The following NID2 variants were observed in gnomAD, a reference collection of about 807,000 sequenced individuals.
NID2 encodes nidogen 2, also known as nidogen-2.
A neutral mutation model predicts 145.4 loss-of-function variants in NID2; 83 were observed. The observed-to-expected ratio is 0.57, with a 90% CI of 0.48 to 0.69. The LOEUF (loss-of-function observed/expected upper bound fraction) is 0.69. Among genes scored for constraint, NID2 ranks in the 30% least tolerant of loss-of-function variants. The probability of loss-of-function intolerance (pLI) is 0.00; values close to 1 mark genes in which losing one functional copy is unlikely to be tolerated. For missense variants in NID2, 1,807 were observed against 1,765.7 expected (o/e 1.02, Z -0.42); for synonymous variants, 739 against 701.3 (o/e 1.05, Z -0.85).
At chr14:52,021,202 T>G (rs1461299875) in intron 12 of NID2, among the ~76,000 whole-genome samples, 1 of 120,150 alleles carries the variant, frequency 8.3e-6, no homozygotes, top group Non-Finnish European at 1.7e-5. Context: ...ATAACCAAGT[T>G]TCTTTAAAAT....
chr14:52,029,758 G>T (rs951569390), intron 9 of NID2, 68 bp from the exon 10 acceptor site: 3 of 1,383,832 alleles, frequency 2.2e-6, no homozygotes, highest in African/African-American at 2.8e-5. Flanking sequence ...GGAGATAGAG[G>T]AGTCCTCGGA....
chr14:52,045,553 GAA>G (rs34942105), intron 5 of NID2, among the ~76,000 whole-genome samples: 3 of 33,672 alleles, frequency 8.9e-5, no homozygotes, highest in African/African-American at 3.6e-4. Flanking sequence ...ACTCAAGGCA[GAA>G]AAAAAAAAAA....
At position 52,011,648 on chromosome 14, in the gene NID2, C is replaced by A. The variant is rs374343811; in HGVS notation, c.3456G>T (p.Arg1152=). 3.7e-6 allele frequency: 6 copies of A among 1,614,194 alleles called. No individual in the cohort carries two copies. The African/African-American group carries it at 8.0e-5, about 22-fold the overall frequency. ...CATCTGTCCAGTACACCATCCTCTC[C>A]CGGCAGTCGTAATCAATTCCCACGA... The part of the protein sequence containing the change: ...SIIVGIDYDC[R]ERMVYWTDVA... Residue 1152 remains arginine, a synonymous_variant, in exon 17 of 22, where the codon CGG becomes CGT. Transcript: ENST00000216286.
intron 5 of NID2, among the ~76,000 whole-genome samples, chr14:52,045,679 C>T (rs892573076): frequency 3.3e-5 from 5 of 152,006 alleles, no homozygotes; most frequent in African/African-American, 1.2e-4. Flanking sequence ...ATGAATGTAA[C>T]TTGGATGTGT....
chr14:52,017,222 G>A (rs1242922453), intron 14 of NID2, among the ~76,000 whole-genome samples: 1 of 152,184 alleles, frequency 6.6e-6, no homozygotes, highest in Non-Finnish European at 1.5e-5. Flanking sequence ...TAACTCCTGG[G>A]AAATGGGTGT....
chr14:52,051,411 G>T (rs1892675542), intron 5 of NID2, among the ~76,000 whole-genome samples: 1 of 152,138 alleles, frequency 6.6e-6, no homozygotes, highest in African/African-American at 2.4e-5. Context: ...TACATGTCTT[G>T]CCCCAAACCA....
chr14:52,027,281 G>A lies in NID2; in HGVS notation c.2594C>T (p.Ala865Val). The A allele has an allele frequency of 6.3e-7, 1 of 1,597,030 alleles. No homozygotes were observed. The highest frequency in any genetic ancestry group is 1.1e-5 in the South Asian group (1 of 88,788). The change falls in exon 12 of 22, where the codon GCC becomes GTC. Residue 865 changes from alanine (A) to valine (V), a missense_variant. Ala to Val is a moderately conservative substitution (Grantham distance 64). Coordinates refer to ENST00000216286, the MANE Select transcript of NID2 (RefSeq NM_007361.4). ...GSHTCAPAGQ[A>V]RCVHHGGSTF... is the part of the protein sequence containing the mutation. The stretch of plus-strand genomic sequence containing the variant: ...GCTGCCTCCATGGTGAACACACCGG[G>A]CCTGCCCAGCAGGAGCACAGGTATG...
intron 16 of NID2, among the ~76,000 whole-genome samples, chr14:52,012,469 G>A (rs1182500556): frequency 1.3e-5 from 2 of 151,994 alleles, no homozygotes; most frequent in Non-Finnish European, 2.9e-5. Flanking sequence ...ATGGTGGCAC[G>A]CACCTGTAGT....
Position 52,035,856 on chromosome 14 carries a change from G to GTATATATATATATATATA in NID2, c.2257+2873_2257+2890dup, listed in dbSNP as rs60735637. On this transcript the variant is annotated intron_variant, in intron 9 of 21. Transcript: ENST00000216286. ...ACCACACCTGGCTAAATTTTTTTGT[G>GTATATATATATATATATA]TATATATATATATATATATATATGT... Among the ~76,000 whole-genome samples, 220 of 65,224 alleles carry GTATATATATATATATATA rather than the reference G, an allele frequency of 3.4e-3. 2 individuals carry two copies. The highest frequency in any genetic ancestry group is 0.013 in the Admixed American group (91 of 6,992). 42.8% of individuals were successfully genotyped at this position (65,224 alleles called of 152,430 possible).
intron 19 of NID2, 162 bp from the exon 20 acceptor site, chr14:52,006,822 T>A (rs773861191): frequency 3.2e-6 from 2 of 619,642 alleles, no homozygotes; most frequent in Non-Finnish European, 5.3e-6. Flanking sequence ...ATTACTAGTC[T>A]CCAGTTTTTA....
chr14:52,068,707 C>G, intron 1 of NID2, 60 bp downstream of exon 1: 1 of 1,465,734 alleles, frequency 6.8e-7, no homozygotes, highest in African/African-American at 1.4e-5. Flanking sequence ...GCAGGGTTTC[C>G]GTGAGACCGA....
At chr14:52,059,480 T>A (rs1892956714) in intron 3 of NID2, among the ~76,000 whole-genome samples, 1 of 152,248 alleles carries the variant, frequency 6.6e-6, no homozygotes, top group African/African-American at 2.4e-5. Flanking sequence ...TCAATAAATA[T>A]CCTACTGGCA....
chr14:52,033,610 T>C (rs2073620), intron 9 of NID2, among the ~76,000 whole-genome samples: 15,616 of 32,280 alleles, frequency 0.48, 1,024 homozygotes, highest in Middle Eastern at 0.55. Flanking sequence ...TCACATGAAT[T>C]CCAACAACTA....
chr14:52,032,093 C>G (rs2140384167), intron 9 of NID2, among the ~76,000 whole-genome samples: 2 of 152,354 alleles, frequency 1.3e-5, no homozygotes, highest in South Asian at 4.1e-4. Context: ...TTCCAGTGCC[C>G]TGTCATAGCC....
intron 2 of NID2, among the ~76,000 whole-genome samples, chr14:52,066,385 A>G (rs1218134434): frequency 1.3e-5 from 2 of 152,156 alleles, no homozygotes; most frequent in East Asian, 3.8e-4. Flanking sequence ...GGGTGACTAT[A>G]ACCTGTGATA....
At chr14:52,062,965 A>C (rs1893062263) in intron 2 of NID2, among the ~76,000 whole-genome samples, 1 of 152,254 alleles carries the variant, frequency 6.6e-6, no homozygotes, top group Non-Finnish European at 1.5e-5. Flanking sequence ...TATCAGAGGA[A>C]GGAAACAACT....
At chr14:52,068,481 C>G (rs181948198) in intron 1 of NID2, among the ~76,000 whole-genome samples, 8 of 152,364 alleles carry the variant, frequency 5.3e-5, no homozygotes, top group Non-Finnish European at 8.8e-5. Context: ...ACAGCCTTCT[C>G]GCGGTCCTAA....
rs1487000732 is a variant in NID2 at position 52,011,656 on chromosome 14, C to T, written c.3448G>A (p.Asp1150Asn). Residue 1150 changes from aspartate (D) to asparagine (N), a missense_variant, in exon 17 of 22, where the codon GAC (aspartate) becomes AAC (asparagine). Asp to Asn is a conservative substitution (Grantham distance 23). Transcript: ENST00000216286. ...CAGTACACCATCCTCTCCCGGCAGT[C>T]GTAATCAATTCCCACGATTATGGAG... Reference protein sequence around the residue: ...HGSIIVGIDYDCRERMVYWTD... With the variant: ...HGSIIVGIDYNCRERMVYWTD... 25 of 1,614,012 alleles carry T rather than the reference C, an allele frequency of 1.5e-5. No individual in the cohort carries two copies. Among genetic ancestry groups the T allele is most frequent in the East Asian group, 4.5e-5 (2 of 44,898 alleles).
At chr14:52,040,542 T>C in intron 8 of NID2, 109 bp downstream of exon 8, 2 of 907,770 alleles carry the variant, frequency 2.2e-6, no homozygotes, top group Non-Finnish European at 3.6e-6. Context: ...CATTTTATGT[T>C]CCATGCACTG....
Sources: allele counts gnomAD v4.1 joint callset (sites outside exome capture counted in the v4.1 genomes callset), GRCh38; gene constraint gnomAD v4.1.1; transcripts MANE v1.5; gene names NCBI Gene and HGNC (gene_info 2026-07-23, HGNC 2026-07-21).